Variants in ZNF740 observed in about 807,000 individuals in gnomAD.
ZNF740 encodes oriLyt TD-element-binding protein 7.
Under a neutral mutation model 24.8 loss-of-function variants are expected in ZNF740, and 14 were observed. That is an observed-to-expected ratio of 0.56 (90% CI 0.37 to 0.88). ZNF740 has a LOEUF of 0.88. Among genes scored for constraint, ZNF740 ranks in the 40% least tolerant of loss-of-function variants. The pLI, the probability that ZNF740 is intolerant of heterozygous loss-of-function variation, is 0.00. For synonymous variants in ZNF740, 69 were observed against 84.0 expected (o/e 0.82, Z 0.98); for missense variants, 201 against 247.9 (o/e 0.81, Z 1.27).
rs372701462 is a variant in ZNF740, at chr12:53,186,516, C to T, written c.492+7C>T. On this transcript the variant is annotated splice_region_variant and intron_variant, in intron 6 of 6. Coordinates refer to ENST00000416904, the MANE Select transcript of ZNF740 (RefSeq NM_001004304.4). ...GTGTGAACGGTGTCATCAGGTAAGG[C>T]TCATCCCTGCTACAATACCCCACAC... The T allele has an allele frequency of 7.2e-5, 112 of 1,549,496 alleles. No individual in the cohort carries two copies. The highest frequency in any genetic ancestry group is 9.2e-5 in the Non-Finnish European group (105 of 1,143,204).
In ZNF740 at chr12:53,191,571, G is replaced by A; in HGVS notation, c.*3981G>A. The A allele has an allele frequency of 6.2e-7, 1 of 1,612,196 alleles. No individual in the cohort carries two copies. The highest frequency in any genetic ancestry group is 1.1e-5 in the South Asian group (1 of 91,048). ...CCTCCCTCCTTCAGAGAGTGGGACT[G>A]TCTGCCTCTTGAAAGCGAGGATTGA... On this transcript the variant is annotated 3_prime_UTR_variant, in exon 7 of 7. Coordinates refer to ENST00000416904, the MANE Select transcript of ZNF740 (RefSeq NM_001004304.4).
chr12:53,185,336 A>C (rs930081713), intron 3 of ZNF740, 51 bp from the exon 4 acceptor site: 2 of 1,588,924 alleles, frequency 1.3e-6, no homozygotes, highest in Non-Finnish European at 1.7e-6. Context: ...ATTGGGTCTC[A>C]TCTCATGTTC....
Position 53,189,392 on chromosome 12 carries a change from A to C in ZNF740, c.*1802A>C, listed in dbSNP as rs1360839176. 4 of 141,338 alleles carry C rather than the reference A, an allele frequency of 2.8e-5. No homozygotes were observed. Among genetic ancestry groups the C allele is most frequent in the Non-Finnish European group, 6.2e-5 (4 of 65,024 alleles). The allele number at this position is 141,338 out of a possible 1,614,324, so 8.8% of individuals were successfully genotyped here. On this transcript the variant is annotated 3_prime_UTR_variant, in exon 7 of 7. Transcript: ENST00000416904. ...GGGAAACTCCTGAAAGTATGATTTC[A>C]TTTCCCAGAAAATGTAAAGAATGGA...
chr12:53,192,000 C>G lies in ZNF740; in HGVS notation c.*4410C>G, dbSNP rs746773961. ...CCCCTACGCAGCCCAGCACAATGGCCTGCGTGTGGTCTGCTCCCTCTGTGA... is the reference window on the plus strand; with the variant it reads ...CCCCTACGCAGCCCAGCACAATGGCGTGCGTGTGGTCTGCTCCCTCTGTGA... On this transcript the variant is annotated 3_prime_UTR_variant, in exon 7 of 7. Coordinates refer to ENST00000416904, the MANE Select transcript of ZNF740 (RefSeq NM_001004304.4). 3.7e-6 allele frequency: 6 copies of G among 1,613,116 alleles called. No homozygotes were observed. The highest frequency in any genetic ancestry group is 3.4e-6 in the Non-Finnish European group (4 of 1,179,892).
intron 1 of ZNF740, 35 bp downstream of exon 1, chr12:53,180,872 G>T: frequency 8.2e-7 from 1 of 1,220,294 alleles, no homozygotes; most frequent in Non-Finnish European, 1.0e-6. Context: ...AGCGTCGTCC[G>T]TACAGACGGC....
In ZNF740 at chr12:53,193,251, C is replaced by T. The variant is rs376018193; in HGVS notation, c.*5661C>T. ...CGTCCACATTGACAGTGACCCTTTC[C>T]ACTGCACAGGGGCCCTGTGCCATTG... On this transcript the variant is annotated 3_prime_UTR_variant, in exon 7 of 7. Coordinates refer to ENST00000416904, the MANE Select transcript of ZNF740 (RefSeq NM_001004304.4). The T allele has an allele frequency of 6.2e-6, 10 of 1,614,056 alleles. No individual in the cohort carries two copies. In the Admixed American group the frequency reaches 6.7e-5, roughly 11 times the overall value.
rs1231331960 is a variant in ZNF740, at chr12:53,193,762, G to A, written c.*6172G>A. Reference sequence around the variant, plus strand: ...GCCATCACTGCAGTGGGGAGCCTGGGGCTGGGTGTCACTGCAATTACAGTC... The same window carrying A: ...GCCATCACTGCAGTGGGGAGCCTGGAGCTGGGTGTCACTGCAATTACAGTC... On this transcript the variant is annotated 3_prime_UTR_variant, in exon 7 of 7. Transcript: ENST00000416904. The A allele has an allele frequency of 1.9e-6, 3 of 1,614,060 alleles. No homozygotes were observed. The highest frequency in any genetic ancestry group is 2.2e-5 in the South Asian group (2 of 91,088).
intron 2 of ZNF740, among the ~76,000 whole-genome samples, chr12:53,184,114 GGTGTGTGTGTGT>G (rs754768891): frequency 3.2e-5 from 4 of 123,508 alleles, no homozygotes; most frequent in Admixed American, 7.8e-5. Context: ...GAAGCTAAGG[GGTGTGTGTGTGT>G]GTGTGTGTGT....
intron 2 of ZNF740, 47 bp downstream of exon 2, chr12:53,182,039 T>G (rs1941665875): frequency 1.9e-6 from 3 of 1,596,472 alleles, no homozygotes; most frequent in Admixed American, 3.5e-5. Flanking sequence ...GAAGCCTGTT[T>G]GCAGTTTCAC....
At position 53,184,152 on chromosome 12, in the gene ZNF740, C is replaced by CGCGT. The variant is rs1555175916; in HGVS notation, c.10-736_10-735insTGCG. ...GTGTGTGTGTGTGTGTGTGTGTGTG[C>CGCGT]GCGCGCGCGCTCTGAAGCTAAGGGG... On this transcript the variant is annotated intron_variant, in intron 2 of 6. Transcript: ENST00000416904. Among the ~76,000 whole-genome samples, 11 of 42,288 alleles carry CGCGT rather than the reference C, an allele frequency of 2.6e-4. No homozygotes were observed. In the South Asian group the frequency reaches 7.4e-3, roughly 28 times the overall value. 27.7% of individuals were successfully genotyped at this position (42,288 alleles called of 152,430 possible).
At position 53,193,015 on chromosome 12, in the gene ZNF740, C is replaced by A. The variant is rs1942020983; in HGVS notation, c.*5425C>A. ...ATCCAATCTTTTTGAAGTATGCCAA[C>A]CACACCCTCTAACCCATACACCGGA... On this transcript the variant is annotated 3_prime_UTR_variant, in exon 7 of 7. Coordinates refer to ENST00000416904, the MANE Select transcript of ZNF740 (RefSeq NM_001004304.4). The A allele has an allele frequency of 3.7e-6, 5 of 1,367,068 alleles. No individual in the cohort carries two copies. Among genetic ancestry groups the A allele is most frequent in the South Asian group, 1.3e-5 (1 of 79,242 alleles). The allele number at this position is 1,367,068 out of a possible 1,614,324, so 84.7% of individuals were successfully genotyped here. A position where few individuals can be genotyped will look rare whatever the true frequency, so the allele number is the denominator to read the frequency against.
rs1039599336 is a variant in ZNF740 at position 53,187,879 on chromosome 12, C to T, written c.*289C>T. 31 of 395,086 alleles carry T rather than the reference C, an allele frequency of 7.8e-5. No homozygotes were observed. Among genetic ancestry groups the T allele is most frequent in the Admixed American group, 1.6e-4 (4 of 24,794 alleles). The allele number at this position is 395,086 out of a possible 1,614,324, so 24.5% of individuals were successfully genotyped here. On this transcript the variant is annotated 3_prime_UTR_variant, in exon 7 of 7. Coordinates refer to ENST00000416904, the MANE Select transcript of ZNF740 (RefSeq NM_001004304.4). ...TAGGTGGGGACTCAAGGTACAGGAC[C>T]AAGACTGAAGTGTGGCTCCCACAAC...
At chr12:53,183,494 T>C (rs1488736562) in intron 2 of ZNF740, among the ~76,000 whole-genome samples, 2 of 152,234 alleles carry the variant, frequency 1.3e-5, no homozygotes, top group African/African-American at 2.4e-5. Context: ...CTTAAAATTT[T>C]TTTTTTCAGT....
At chr12:53,181,413 A>G (rs1941627860) in intron 1 of ZNF740, 1 of 985,198 alleles carries the variant, frequency 1.0e-6, no homozygotes, top group South Asian at 4.7e-5. Context: ...CCCTTCTTCC[A>G]TTCCTGAGAT....
In ZNF740 at chr12:53,193,317, C is replaced by G. The variant is rs1942035448; in HGVS notation, c.*5727C>G. The G allele has an allele frequency of 6.2e-7, 1 of 1,608,488 alleles. No homozygotes were observed. The highest frequency in any genetic ancestry group is 8.5e-7 in the Non-Finnish European group (1 of 1,175,876). On this transcript the variant is annotated 3_prime_UTR_variant, in exon 7 of 7. Transcript: ENST00000416904. ...GATTCCAGGTCTGGGGAGGACAGCT[C>G]TGCCACAGAGCACTCACAGAGCCGA... is the stretch of plus-strand genomic sequence containing the variant.
At chr12:53,186,118 A>G (rs1435889705) in intron 5 of ZNF740, 41 bp downstream of exon 5, 3 of 1,594,928 alleles carry the variant, frequency 1.9e-6, no homozygotes, top group Non-Finnish European at 2.6e-6. Context: ...AGAATAGTCT[A>G]TCGCTTGTAT....
Position 53,181,055 on chromosome 12 carries a change from C to G in ZNF740, c.-308+218C>G. The G allele has an allele frequency of 3.3e-6, 3 of 902,032 alleles. No homozygotes were observed. In the African/African-American group the frequency reaches 5.5e-5, roughly 17 times the overall value. 55.9% of individuals were successfully genotyped at this position (902,032 alleles called of 1,614,324 possible). On this transcript the variant is annotated intron_variant, in intron 1 of 6. Coordinates refer to ENST00000416904, the MANE Select transcript of ZNF740 (RefSeq NM_001004304.4). The stretch of plus-strand genomic sequence containing the variant: ...CGCGTCCCCGGCCCGGGAGAGGGCT[C>G]TCGGAGGGGACGCGGGCGCGAGCAC...
At chr12:53,185,345 T>A (rs1941802937) in intron 3 of ZNF740, 42 bp from the exon 4 acceptor site, 1 of 1,593,360 alleles carries the variant, frequency 6.3e-7, no homozygotes, top group Middle Eastern at 1.7e-4. Flanking sequence ...CATCTCATGT[T>A]CCGAGATGGG....
intron 2 of ZNF740, 103 bp from the exon 3 acceptor site, chr12:53,184,786 GAA>G (rs756722491): frequency 8.0e-5 from 108 of 1,346,560 alleles, no homozygotes; most frequent in Non-Finnish European, 1.0e-4. Flanking sequence ...TCCCTGGAGA[GAA>G]GCAGTTTGTA....
Sources: gnomAD v4.1 joint callset for allele counts (sites outside exome capture counted in the v4.1 genomes callset) on GRCh38, gnomAD v4.1.1 for gene constraint, MANE v1.5 for transcripts, NCBI Gene and HGNC (gene_info 2026-07-23, HGNC 2026-07-21) for gene names.